ANKFN1: variants seen among roughly 807,000 people sequenced by gnomAD.
The protein encoded by ANKFN1 is ankyrin repeat and fibronectin type-III domain-containing protein 1.
ANKFN1 carries 74 observed loss-of-function variants against 108.7 expected under a neutral mutation model. The ratio of observed to expected loss-of-function variants is 0.68; its 90% confidence interval spans 0.56 to 0.83. ANKFN1 has a LOEUF of 0.83. Ranked by LOEUF, ANKFN1 falls within the 40% of genes least tolerant of loss-of-function variation. The pLI is 0.00. For missense variants in ANKFN1, 1,505 were observed against 1,382.3 expected (o/e 1.09, Z -1.41); for synonymous variants, 547 against 516.2 (o/e 1.06, Z -0.81).
At chr17:56,108,968 T>A (rs2143243050) in intron 4 of ANKFN1, among the ~76,000 whole-genome samples, 1 of 152,310 alleles carries the variant, frequency 6.6e-6, no homozygotes, top group East Asian at 1.9e-4. Context: ...GTGAACAGGA[T>A]CCTGAATGAC....
At chr17:56,087,079 T>C (rs1166858573) in intron 4 of ANKFN1, among the ~76,000 whole-genome samples, 1 of 151,336 alleles carries the variant, frequency 6.6e-6, no homozygotes, top group Non-Finnish European at 1.5e-5. Flanking sequence ...CTACTACTAC[T>C]GAGGAGAGTA....
rs1428308880 is a variant in ANKFN1 at position 56,212,647 on chromosome 17, A to T, written c.-21A>T. On this transcript the variant is annotated 5_prime_UTR_variant, in exon 2 of 21. Coordinates refer to ENST00000682825, the MANE Select transcript of ANKFN1 (RefSeq NM_001370326.1). ...GTATGAAGAAATCCAGTTTGAGACC[A>T]GGAGCCTGTGGGCAGGCTACATGAA... is the stretch of plus-strand genomic sequence containing the variant. 6.6e-6 allele frequency among the ~76,000 whole-genome samples: 1 copy of T among 152,222 alleles called. No individual in the cohort carries two copies. Among genetic ancestry groups the T allele is most frequent in the Non-Finnish European group, 1.5e-5 (1 of 68,040 alleles).
At chr17:56,332,248 C>G (rs1013786864) in intron 4 of ANKFN1, among the ~76,000 whole-genome samples, 1 of 152,062 alleles carries the variant, frequency 6.6e-6, no homozygotes, top group Non-Finnish European at 1.5e-5. Flanking sequence ...TGGCGGCAAT[C>G]GAGGCTCTCT....
chr17:56,179,708 G>A (rs141115504), intron 1 of ANKFN1, among the ~76,000 whole-genome samples: 12 of 152,248 alleles, frequency 7.9e-5, no homozygotes, highest in Non-Finnish European at 1.8e-4. Flanking sequence ...CCAAATCTTG[G>A]TTGCTTCATC....
intron 3 of ANKFN1, among the ~76,000 whole-genome samples, chr17:56,289,241 G>A (rs2044297352): frequency 1.3e-5 from 2 of 152,206 alleles, no homozygotes; most frequent in Admixed American, 1.3e-4. Flanking sequence ...GTTATGCCAT[G>A]AGGGTAGGGG....
intron 1 of ANKFN1, among the ~76,000 whole-genome samples, chr17:56,154,641 C>CAA (rs1394174595): frequency 8.1e-6 from 1 of 123,698 alleles, no homozygotes; most frequent in African/African-American, 2.9e-5. Flanking sequence ...TATGCCAACA[C>CAA]CAAAAAAAAA....
intron 8 of ANKFN1, among the ~76,000 whole-genome samples, chr17:56,382,591 A>G (rs949540073): frequency 1.1e-4 from 17 of 152,216 alleles, no homozygotes; most frequent in East Asian, 1.9e-4. Flanking sequence ...CCCATCTCAC[A>G]TGCAGAGACA....
intron 1 of ANKFN1, among the ~76,000 whole-genome samples, chr17:56,204,551 G>T (rs1320386941): frequency 6.6e-6 from 1 of 151,690 alleles, no homozygotes. Context: ...ATGTTGGCCA[G>T]GTTGGTCTCG....
chr17:56,201,636 C>A (rs1217826883), intron 1 of ANKFN1, among the ~76,000 whole-genome samples: 1 of 150,628 alleles, frequency 6.6e-6, no homozygotes, highest in Non-Finnish European at 1.5e-5. Flanking sequence ...GAGTTAAGAA[C>A]TAAGGAGTGC....
chr17:56,507,341 AAT>A (rs1174707536), intron 20 of ANKFN1, among the ~76,000 whole-genome samples: 4 of 152,136 alleles, frequency 2.6e-5, no homozygotes, highest in African/African-American at 9.7e-5. Context: ...TTAACCTGGA[AAT>A]ATATGTTTCT....
intron 8 of ANKFN1, among the ~76,000 whole-genome samples, chr17:56,404,383 A>G (rs1169338818): frequency 6.6e-6 from 1 of 152,022 alleles, no homozygotes; most frequent in African/African-American, 2.4e-5. Flanking sequence ...TCTTTGTTAG[A>G]TTAGGTTAAT....
intron 4 of ANKFN1, among the ~76,000 whole-genome samples, chr17:56,049,058 C>T (rs1286415822): frequency 6.6e-6 from 1 of 152,186 alleles, no homozygotes; most frequent in Non-Finnish European, 1.5e-5. Flanking sequence ...AATGTCAACC[C>T]CTATCAAATC....
chr17:56,502,758 A>G (rs2051415600), intron 20 of ANKFN1, among the ~76,000 whole-genome samples: 1 of 152,214 alleles, frequency 6.6e-6, no homozygotes, highest in African/African-American at 2.4e-5. Flanking sequence ...TTCTGTGTGT[A>G]TAGGATTCAC....
At chr17:56,069,924 A>T (rs550732446) in intron 4 of ANKFN1, among the ~76,000 whole-genome samples, 80 of 152,276 alleles carry the variant, frequency 5.3e-4, no homozygotes, top group Non-Finnish European at 1.1e-3. Flanking sequence ...TCCCCTTTTG[A>T]GACCATATAG....
upstream of ANKFN1, among the ~76,000 whole-genome samples, chr17:56,151,123 C>T (rs1567805690): frequency 6.6e-6 from 1 of 152,154 alleles, no homozygotes; most frequent in Non-Finnish European, 1.5e-5. Flanking sequence ...TGTGCAGCCA[C>T]CTCTCTGGTC....
chr17:56,186,049 C>T (rs563100323), intron 1 of ANKFN1, among the ~76,000 whole-genome samples: 8 of 152,240 alleles, frequency 5.3e-5, no homozygotes, highest in East Asian at 3.9e-4. Context: ...TTTGATGGCA[C>T]GCAGTTACAA....
intron 8 of ANKFN1, among the ~76,000 whole-genome samples, chr17:56,396,205 TG>T (rs1407193925): frequency 3.3e-5 from 5 of 152,162 alleles, no homozygotes; most frequent in Non-Finnish European, 5.9e-5. Flanking sequence ...TCCCAACACT[TG>T]GGAGGCCAAG....
At chr17:56,391,212 C>CATATATATATGTATAT (rs2047415478) in intron 8 of ANKFN1, among the ~76,000 whole-genome samples, 2 of 121,416 alleles carry the variant, frequency 1.6e-5, no homozygotes, top group African/African-American at 8.1e-5. Flanking sequence ...CCCAAGAATA[C>CATATATATATGTATAT]ATATATATAT....
At chr17:56,287,663 A>C (rs888975096) in intron 3 of ANKFN1, among the ~76,000 whole-genome samples, 1 of 152,220 alleles carries the variant, frequency 6.6e-6, no homozygotes, top group Non-Finnish European at 1.5e-5. Context: ...ACGATCCTCA[A>C]ATCACATGGC....
Sources: gnomAD v4.1 joint callset for allele counts (sites outside exome capture counted in the v4.1 genomes callset) on GRCh38, gnomAD v4.1.1 for gene constraint, MANE v1.5 for transcripts, NCBI Gene and HGNC (gene_info 2026-07-23, HGNC 2026-07-21) for gene names.